PARG: variants seen among roughly 807,000 people sequenced by gnomAD.
PARG encodes mitochondrial poly(ADP-ribose) glycohydrolase.
A neutral mutation model predicts 113.0 loss-of-function variants in PARG; 35 were observed. That is an observed-to-expected ratio of 0.31 (90% CI 0.24 to 0.41). The LOEUF (loss-of-function observed/expected upper bound fraction) is 0.41. Among genes scored for constraint, PARG ranks in the 10% least tolerant of loss-of-function variants. The pLI is 1.00. For missense variants in PARG, 797 were observed against 1,169.4 expected, an observed-to-expected ratio of 0.68 and a Z score of 4.64; for synonymous variants, 330 against 409.9, an observed-to-expected ratio of 0.81 and a Z score of 2.36.
At chr10:49,916,661 C>T (rs1837488518) in intron 6 of PARG, among the ~76,000 whole-genome samples, 1 of 152,054 alleles carries the variant, frequency 6.6e-6, no homozygotes, top group Admixed American at 6.6e-5. Flanking sequence ...TACTATACAT[C>T]TGGTTTCCAG....
intron 4 of PARG, among the ~76,000 whole-genome samples, chr10:49,931,361 T>C (rs1838469874): frequency 6.6e-6 from 1 of 152,094 alleles, no homozygotes; most frequent in Non-Finnish European, 1.5e-5. Flanking sequence ...TTAGAAATTA[T>C]GGTTTAGGAG....
intron 6 of PARG, among the ~76,000 whole-genome samples, chr10:49,921,259 TGC>T: frequency 6.6e-6 from 1 of 152,206 alleles, no homozygotes; most frequent in African/African-American, 2.4e-5. Flanking sequence ...ACTAGTCAGG[TGC>T]TCCTCCCACC....
At chr10:49,829,361 T>G (rs1844541103) in intron 16 of PARG, among the ~76,000 whole-genome samples, 1 of 152,180 alleles carries the variant, frequency 6.6e-6, no homozygotes, top group Non-Finnish European at 1.5e-5. Context: ...GCCTCCCAAG[T>G]AGCTGGGACT....
chr10:49,920,874 G>A (rs557569940), intron 6 of PARG, among the ~76,000 whole-genome samples: 42 of 152,114 alleles, frequency 2.8e-4, no homozygotes, highest in African/African-American at 9.6e-4. Context: ...TGTTAGGGAA[G>A]GGACTGACTG....
chr10:49,920,463 A>AAAAAATAT (rs1431747248), intron 6 of PARG, among the ~76,000 whole-genome samples: 10 of 47,974 alleles, frequency 2.1e-4, no homozygotes, highest in African/African-American at 5.0e-4. Context: ...AAAAAAAAAA[A>AAAAAATAT]ATATATATAT....
intron 13 of PARG, 131 bp from the exon 14 acceptor site, chr10:49,843,763 G>T: frequency 1.6e-6 from 1 of 606,864 alleles, no homozygotes. Context: ...AATAAGGCAA[G>T]AAAATAAACA....
chr10:49,841,885 G>T, intron 15 of PARG, 65 bp downstream of exon 15: 1 of 978,126 alleles, frequency 1.0e-6, no homozygotes, highest in Non-Finnish European at 1.6e-6. Flanking sequence ...ATTAATTTCA[G>T]CATTAATAAA....
intron 8 of PARG, among the ~76,000 whole-genome samples, chr10:49,880,531 T>C (rs1448255652): frequency 6.6e-6 from 1 of 152,242 alleles, no homozygotes; most frequent in East Asian, 1.9e-4. Flanking sequence ...TTACCTTTTA[T>C]TGTCAGTATA....
Position 49,877,240 on chromosome 10 carries a change from C to G in PARG, c.1988+2433G>C, listed in dbSNP as rs1436478951. Among the ~76,000 whole-genome samples the G allele has an allele frequency of 6.9e-5, 10 of 145,508 alleles. No individual in the cohort carries two copies. The South Asian group carries it at 2.0e-3, about 29-fold the overall frequency. On this transcript the variant is annotated intron_variant, in intron 9 of 17. Coordinates refer to ENST00000616448, the MANE Select transcript of PARG (RefSeq NM_003631.5). Reference sequence around the variant, plus strand: ...GTTTAATTAAAATTTACATTAGGAACTAACCAGCTGAATTCTAGAATTCTT... The same window carrying G: ...GTTTAATTAAAATTTACATTAGGAAGTAACCAGCTGAATTCTAGAATTCTT...
At chr10:49,916,051 G>A in intron 6 of PARG, 60 bp from the exon 7 acceptor site, 2 of 869,704 alleles carry the variant, frequency 2.3e-6, no homozygotes, top group East Asian at 2.7e-5. Flanking sequence ...GACCTATGAA[G>A]AGCCTGTCTC....
intron 12 of PARG, among the ~76,000 whole-genome samples, chr10:49,859,803 CAA>C (rs1242939155): frequency 1.3e-5 from 2 of 152,284 alleles, no homozygotes; most frequent in South Asian, 2.1e-4. Context: ...CTCTAAATGC[CAA>C]AGTCTTTTAG....
intron 17 of PARG, 130 bp downstream of exon 17, chr10:49,820,035 G>A: frequency 1.5e-6 from 1 of 649,994 alleles, no homozygotes; most frequent in Middle Eastern, 3.4e-4. Flanking sequence ...CTGAGGGTTT[G>A]TCCTTCCTGC....
chr10:49,845,124 C>T (rs915206599), intron 13 of PARG, among the ~76,000 whole-genome samples: 6 of 152,036 alleles, frequency 3.9e-5, no homozygotes, highest in South Asian at 2.1e-4. Flanking sequence ...TAAATGTTGA[C>T]GAGGATGGAA....
intron 14 of PARG, among the ~76,000 whole-genome samples, chr10:49,843,049 A>T (rs1314369775): frequency 6.6e-6 from 1 of 152,236 alleles, no homozygotes; most frequent in African/African-American, 2.4e-5. Flanking sequence ...TAAGAATGTC[A>T]AAGTAGAAGA....
intron 6 of PARG, among the ~76,000 whole-genome samples, chr10:49,920,703 T>C (rs1442370211): frequency 1.3e-5 from 2 of 151,056 alleles, no homozygotes; most frequent in African/African-American, 4.9e-5. Context: ...ATAATTAACA[T>C]TATACTAAAA....
chr10:49,889,687 G>A (rs782407404), intron 7 of PARG, among the ~76,000 whole-genome samples: 3 of 152,192 alleles, frequency 2.0e-5, no homozygotes, highest in Non-Finnish European at 4.4e-5. Context: ...TAAACCTTAA[G>A]TGTCTTAACA....
Position 49,819,167 on chromosome 10 carries a change from T to C in PARG, c.*173A>G, listed in dbSNP as rs569860967. 3 of 508,002 alleles carry C rather than the reference T, an allele frequency of 5.9e-6. No individual in the cohort carries two copies. The highest frequency in any genetic ancestry group is 4.0e-5 in the African/African-American group (2 of 50,406). 31.5% of individuals were successfully genotyped at this position (508,002 alleles called of 1,614,324 possible). A position where few individuals can be genotyped will look rare whatever the true frequency, so the allele number is the denominator to read the frequency against. On this transcript the variant is annotated 3_prime_UTR_variant, in exon 18 of 18. Transcript: ENST00000616448. ...TCCACGTGAGTCAGGATGGAGGGAG[T>C]TTAGATGTACCAACTGACAACTGCA... is the stretch of plus-strand genomic sequence containing the variant.
At chr10:49,864,177 G>C (rs1416879267) in intron 11 of PARG, among the ~76,000 whole-genome samples, 1 of 152,050 alleles carries the variant, frequency 6.6e-6, no homozygotes, top group African/African-American at 2.4e-5. Flanking sequence ...AGCTGATCAA[G>C]AGTTTTAGCA....
At chr10:49,843,154 T>C (rs1318990234) in intron 14 of PARG, among the ~76,000 whole-genome samples, 1 of 152,226 alleles carries the variant, frequency 6.6e-6, no homozygotes, top group Non-Finnish European at 1.5e-5. Flanking sequence ...TGTCGCAACA[T>C]AGGTTTCCTC....
Sources: gnomAD v4.1 joint callset for allele counts (sites outside exome capture counted in the v4.1 genomes callset) on GRCh38, gnomAD v4.1.1 for gene constraint, MANE v1.5 for transcripts, NCBI Gene and HGNC (gene_info 2026-07-23, HGNC 2026-07-21) for gene names.